Variants in ADGRF5 observed in about 807,000 individuals in gnomAD.
ADGRF5 encodes G-protein coupled receptor 116.
Under a neutral mutation model 132.3 loss-of-function variants are expected in ADGRF5, and 75 were observed. That is an observed-to-expected ratio of 0.57 (90% CI 0.47 to 0.69). The LOEUF (loss-of-function observed/expected upper bound fraction) is 0.69, where lower values mean the gene tolerates loss of function less well. Among genes scored for constraint, ADGRF5 ranks in the 30% least tolerant of loss-of-function variants. The pLI is 0.00. For missense variants in ADGRF5, 1,516 were observed against 1,630.6 expected, an observed-to-expected ratio of 0.93 and a Z score of 1.21; for synonymous variants, 629 against 597.6, an observed-to-expected ratio of 1.05 and a Z score of -0.77.
rs1221425805 is a variant in ADGRF5 at position 46,939,318 on chromosome 6, G to C, written c.-25+15416C>G. ...GGGTATCTGGATTGGGGACAGGCAG[G>C]GCTGAAGCTTAAGGAGGGCTCAAGG... On this transcript the variant is annotated intron_variant, in intron 1 of 20. Coordinates refer to the ADGRF5 transcript ENST00000265417. 3.3e-5 allele frequency among the ~76,000 whole-genome samples: 5 copies of C among 152,304 alleles called. No individual in the cohort carries two copies. In the East Asian group the frequency reaches 5.8e-4, roughly 18 times the overall value.
At chr6:46,886,753 C>T (rs1005424748) in intron 4 of ADGRF5, 1 of 152,200 alleles carries the variant, frequency 6.6e-6, no homozygotes, top group East Asian at 1.9e-4. Context: ...GTAGGCCTAA[C>T]CTTCATTGCC....
At chr6:46,915,941 C>CTCCCTT (rs1249899688) in intron 1 of ADGRF5, among the ~76,000 whole-genome samples, 22 of 152,064 alleles carry the variant, frequency 1.4e-4, no homozygotes, top group East Asian at 1.9e-4. Context: ...CTCTGCAGCG[C>CTCCCTT]TCCCTTTCCC....
chr6:46,953,590 C>A (rs1358578264), intron 1 of ADGRF5, among the ~76,000 whole-genome samples: 4 of 141,314 alleles, frequency 2.8e-5, no homozygotes, highest in Non-Finnish European at 6.1e-5. Context: ...GTACTCCAGG[C>A]TGGGCGACAG....
chr6:46,918,685 A>G (rs550504048), intron 1 of ADGRF5, among the ~76,000 whole-genome samples: 7 of 152,340 alleles, frequency 4.6e-5, no homozygotes, highest in South Asian at 2.1e-4. Flanking sequence ...GGTTGTTCCA[A>G]TTAAAACTGG....
intron 1 of ADGRF5, among the ~76,000 whole-genome samples, chr6:46,944,702 A>T (rs564524726): frequency 1.1e-3 from 167 of 152,346 alleles, no homozygotes; most frequent in African/African-American, 4.0e-3. Flanking sequence ...TTATACATCT[A>T]TTATTACAAA....
At chr6:46,926,703 C>T (rs1408411988), upstream of ADGRF5, among the ~76,000 whole-genome samples, 2 of 152,144 alleles carry the variant, frequency 1.3e-5, no homozygotes, top group East Asian at 3.9e-4. Flanking sequence ...ACCCACATGC[C>T]TCAGCTGTGA....
chr6:46,856,706 G>A lies in ADGRF5; in HGVS notation c.3876+12C>T, dbSNP rs1298854061. On this transcript the variant is annotated intron_variant, in intron 19 of 20. Transcript: ENST00000283296. ...TTATAAAATGAAAAGTCTCTGCAGA[G>A]AAAAAGTTTACCTTTGAGTGCTGTG... 7.9e-7 allele frequency: 1 copy of A among 1,261,246 alleles called. No individual in the cohort carries two copies. The highest frequency in any genetic ancestry group is 2.3e-5 in the East Asian group (1 of 43,032). The allele number at this position is 1,261,246 out of a possible 1,614,324, so 78.1% of individuals were successfully genotyped here. A position where few individuals can be genotyped will look rare whatever the true frequency, so the allele number is the denominator to read the frequency against.
intron 3 of ADGRF5, among the ~76,000 whole-genome samples, chr6:46,895,403 G>A (rs930545988): frequency 1.3e-5 from 2 of 151,564 alleles, no homozygotes; most frequent in South Asian, 4.2e-4. Flanking sequence ...AGGGCTACAT[G>A]TCATCATCAG....
At chr6:46,867,894 T>C (rs945140176) in intron 12 of ADGRF5, among the ~76,000 whole-genome samples, 1 of 152,224 alleles carries the variant, frequency 6.6e-6, no homozygotes, top group African/African-American at 2.4e-5. Context: ...GACTGTTTAA[T>C]AGATTAATGT....
intron 1 of ADGRF5, among the ~76,000 whole-genome samples, chr6:46,952,937 A>G (rs1337886125): frequency 1.3e-5 from 2 of 152,184 alleles, no homozygotes; most frequent in Non-Finnish European, 2.9e-5. Flanking sequence ...AGGTGTACAA[A>G]CCAGGCCTTA....
chr6:46,883,787 G>A (rs1480904985), intron 5 of ADGRF5, 122 bp from the exon 6 acceptor site: 2 of 625,776 alleles, frequency 3.2e-6, no homozygotes, highest in African/African-American at 3.7e-5. Flanking sequence ...TGTCTCCCAG[G>A]CTGGAGTGCA....
At chr6:46,924,087 A>C (rs1184505812), upstream of ADGRF5, among the ~76,000 whole-genome samples, 1 of 152,174 alleles carries the variant, frequency 6.6e-6, no homozygotes, top group Non-Finnish European at 1.5e-5. Flanking sequence ...GCACCAAATA[A>C]ATACATATTT....
intron 15 of ADGRF5, among the ~76,000 whole-genome samples, 176 bp downstream of exon 15, chr6:46,862,703 CTTTTTTTTT>C (rs67565937): frequency 5.7e-4 from 15 of 26,512 alleles, no homozygotes; most frequent in African/African-American, 2.0e-3. Flanking sequence ...TGAATTGAGG[CTTTTTTTTT>C]TTTTTTTTTT....
At chr6:46,924,007 A>G (rs7774163), upstream of ADGRF5, among the ~76,000 whole-genome samples, 19 of 152,292 alleles carry the variant, frequency 1.2e-4, no homozygotes, top group African/African-American at 4.3e-4. Context: ...TTAATATGAA[A>G]TGTCTCTCAT....
intron 1 of ADGRF5, among the ~76,000 whole-genome samples, chr6:46,914,219 C>G (rs1776230630): frequency 6.6e-6 from 1 of 152,120 alleles, no homozygotes; most frequent in South Asian, 2.1e-4. Context: ...GATAGAATGC[C>G]ATCAGCAACC....
rs199932957 is a variant in ADGRF5, at chr6:46,867,164, T to C, written c.1622-27A>G. The C allele has an allele frequency of 3.7e-4, 461 of 1,231,892 alleles. 3 individuals are homozygous for C. In the African/African-American group the frequency reaches 7.9e-3, roughly 21 times the overall value. The allele number at this position is 1,231,892 out of a possible 1,614,324, so 76.3% of individuals were successfully genotyped here. A position where few individuals can be genotyped will look rare whatever the true frequency, so the allele number is the denominator to read the frequency against. ...TGAGTAGAAGACGGCAAAAATGAGA[T>C]GGAATGGAAATAATCGCCCTTCAAA... On this transcript the variant is annotated intron_variant, in intron 12 of 20. Coordinates refer to ENST00000283296, the MANE Select transcript of ADGRF5 (RefSeq NM_001098518.2).
chr6:46,941,530 A>G (rs1449226375), intron 1 of ADGRF5, among the ~76,000 whole-genome samples: 1 of 152,094 alleles, frequency 6.6e-6, no homozygotes, highest in Non-Finnish European at 1.5e-5. Context: ...CCCACCCCAG[A>G]CTTCCAGAAT....
At chr6:46,878,563 A>T (rs1772083271) in intron 9 of ADGRF5, among the ~76,000 whole-genome samples, 158 bp from the exon 10 acceptor site, 1 of 152,212 alleles carries the variant, frequency 6.6e-6, no homozygotes, top group Non-Finnish European at 1.5e-5. Context: ...CCATTCAGGA[A>T]TTCAGGAAGT....
intron 1 of ADGRF5, among the ~76,000 whole-genome samples, chr6:46,953,651 G>GTGTGTATATATATA (rs1373212107): frequency 2.8e-4 from 12 of 42,196 alleles, no homozygotes; most frequent in African/African-American, 8.4e-4. Context: ...AGATATATGT[G>GTGTGTATATATATA]TATATATATA....
Sources: gnomAD v4.1 joint callset for allele counts (sites outside exome capture counted in the v4.1 genomes callset) on GRCh38, gnomAD v4.1.1 for gene constraint, MANE v1.5 for transcripts, NCBI Gene and HGNC (gene_info 2026-07-23, HGNC 2026-07-21) for gene names.